MAD1L1: variants seen among roughly 807,000 people sequenced by gnomAD.
MAD1L1 encodes the protein mitotic spindle assembly checkpoint protein MAD1.
A neutral mutation model predicts 96.9 loss-of-function variants in MAD1L1; 95 were observed. The ratio of observed to expected loss-of-function variants is 0.98; its 90% confidence interval spans 0.83 to 1.16. The LOEUF (loss-of-function observed/expected upper bound fraction) is 1.16. Among genes scored for constraint, MAD1L1 ranks in the 50% most tolerant of loss-of-function variants. The pLI, the probability that MAD1L1 is intolerant of heterozygous loss-of-function variation, is 0.00. For missense variants in MAD1L1, 1,007 were observed against 954.4 expected (o/e 1.06, Z -0.73); for synonymous variants, 473 against 396.6 (o/e 1.19, Z -2.29).
chr7:1,969,194 G>C (rs1469673671), intron 15 of MAD1L1, among the ~76,000 whole-genome samples: 1 of 152,090 alleles, frequency 6.6e-6, no homozygotes, highest in Non-Finnish European at 1.5e-5. Context: ...GACCAGCCTG[G>C]CCAACGTGAT....
chr7:2,136,287 G>A (rs1788747677), intron 11 of MAD1L1, among the ~76,000 whole-genome samples: 1 of 152,184 alleles, frequency 6.6e-6, no homozygotes, highest in Admixed American at 6.5e-5. Context: ...TGGTGAGAGG[G>A]CACAGGCTTA....
rs1438775125 is a variant in MAD1L1, at chr7:2,114,248, T to C, written c.1073+34904A>G. Among the ~76,000 whole-genome samples, 3 of 152,128 alleles carry C rather than the reference T, an allele frequency of 2.0e-5. No homozygotes were observed. The highest frequency in any genetic ancestry group is 7.2e-5 in the African/African-American group (3 of 41,416). On this transcript the variant is annotated intron_variant, in intron 11 of 18. Transcript: ENST00000265854. This position sits in a 1 kb window ranked among gnomAD's most constrained non-coding sequence, Gnocchi z 4.2. ...CACATGAGAAAGACAAAAGGGCAAA[T>C]GGCCGGATGGTAATGACTCATCCCA...
chr7:2,201,694 G>A (rs1006772283), intron 10 of MAD1L1, among the ~76,000 whole-genome samples: 10 of 152,174 alleles, frequency 6.6e-5, no homozygotes, highest in Non-Finnish European at 1.0e-4. Context: ...ACCCGGACAC[G>A]CCGCAGAGCA....
At position 2,219,451 on chromosome 7, in the gene MAD1L1, G is replaced by C. The variant is rs1031968375; in HGVS notation, c.477C>G (p.Ile159Met). The change falls in exon 6 of 19, where the codon ATC becomes ATG. Residue 159 changes from isoleucine to methionine, a missense_variant. Physicochemically the swap from Ile to Met is conservative, Grantham distance 10. Transcript: ENST00000265854. ...CCGAGATCCTCCCCTTCAGTGCGTT[G>C]ATGGTCTAAAAGTAGAGGGGACCAG... ...EDSLAQAGET[I>M]NALKGRISEL... The C allele has an allele frequency of 1.2e-6, 2 of 1,613,598 alleles. No homozygotes were observed. The highest frequency in any genetic ancestry group is 3.3e-5 in the Admixed American group (2 of 59,958).
chr7:2,117,556 A>G (rs992030931), intron 11 of MAD1L1, among the ~76,000 whole-genome samples: 11 of 152,194 alleles, frequency 7.2e-5, no homozygotes, highest in African/African-American at 2.7e-4. Context: ...CTCACGTGAT[A>G]GTGAGCTCTC....
intron 13 of MAD1L1, among the ~76,000 whole-genome samples, chr7:2,007,918 C>T (rs1050896949): frequency 6.6e-6 from 1 of 152,200 alleles, no homozygotes; most frequent in Admixed American, 6.5e-5. Flanking sequence ...GCTGATACAA[C>T]GTTGATGGGT....
chr7:1,842,449 C>A (rs1454506234), intron 18 of MAD1L1, among the ~76,000 whole-genome samples: 1 of 152,250 alleles, frequency 6.6e-6, no homozygotes, highest in Non-Finnish European at 1.5e-5. Context: ...AAGGGCAACT[C>A]TTGGCAGCTG....
chr7:1,875,352 C>T lies in MAD1L1; in HGVS notation c.1998+22848G>A, dbSNP rs568959451. ...GCCGAGAGACCAAGAAGAAAACATC[C>T]CCCAACTGGCTGACAGTCGCCCTCC... is the stretch of plus-strand genomic sequence containing the variant. On this transcript the variant is annotated intron_variant, in intron 18 of 18. Coordinates refer to ENST00000265854, the MANE Select transcript of MAD1L1 (RefSeq NM_001013836.2). 4.0e-3 allele frequency among the ~76,000 whole-genome samples: 612 copies of T among 152,260 alleles called. 2 individuals carry two copies. The highest frequency in any genetic ancestry group is 9.1e-3 in the Admixed American group (139 of 15,294).
At chr7:2,123,820 C>T (rs1421593315) in intron 11 of MAD1L1, among the ~76,000 whole-genome samples, 1 of 152,236 alleles carries the variant, frequency 6.6e-6, no homozygotes, top group Non-Finnish European at 1.5e-5. Flanking sequence ...AGAATCAGCG[C>T]TGTTTACCAC....
At chr7:1,901,135 G>C (rs1044993019) in intron 17 of MAD1L1, among the ~76,000 whole-genome samples, 1 of 152,212 alleles carries the variant, frequency 6.6e-6, no homozygotes, top group Admixed American at 6.5e-5. Context: ...CCATCCTCCA[G>C]ACAAGGCTGC....
intron 10 of MAD1L1, among the ~76,000 whole-genome samples, chr7:2,170,944 A>G (rs1360500743): frequency 6.6e-6 from 1 of 152,166 alleles, no homozygotes; most frequent in Non-Finnish European, 1.5e-5. Context: ...GCAGAAACAC[A>G]TGGGGGGTTG....
intron 9 of MAD1L1, among the ~76,000 whole-genome samples, chr7:2,214,009 C>T (rs973269615): frequency 6.6e-6 from 1 of 152,260 alleles, no homozygotes; most frequent in Non-Finnish European, 1.5e-5. Flanking sequence ...ATTCTCACAG[C>T]CCCTCCTATG....
rs765416715 is a variant in MAD1L1 at position 1,821,092 on chromosome 7, AAGG to A, written c.1999-4867_1999-4865del. ...CGAGACTCCATCTCAAAAAAAAAAA[AAGG>A]GGGGGGGGAGAGTGAAATGACCAAT... On this transcript the variant is annotated intron_variant, in intron 18 of 18. Transcript: ENST00000265854. Among the ~76,000 whole-genome samples, 120 of 132,270 alleles carry A rather than the reference AAGG, an allele frequency of 9.1e-4. 2 individuals carry two copies. Among genetic ancestry groups the A allele is most frequent in the African/African-American group, 2.9e-3 (103 of 35,078 alleles). The allele number at this position is 132,270 out of a possible 152,430, so 86.8% of individuals were successfully genotyped here.
chr7:1,920,109 G>A (rs1002776608), intron 17 of MAD1L1, among the ~76,000 whole-genome samples: 2 of 152,060 alleles, frequency 1.3e-5, no homozygotes, highest in African/African-American at 4.8e-5. Context: ...GGGGCTGTGT[G>A]GGCCCAGCAT....
At chr7:2,031,015 G>A (rs939539972) in intron 12 of MAD1L1, among the ~76,000 whole-genome samples, 1 of 152,188 alleles carries the variant, frequency 6.6e-6, no homozygotes, top group African/African-American at 2.4e-5. Context: ...TATTTCTGCT[G>A]GGCGACTGGA....
chr7:1,932,564 G>A (rs1436084615), intron 17 of MAD1L1, among the ~76,000 whole-genome samples: 2 of 152,266 alleles, frequency 1.3e-5, no homozygotes, highest in African/African-American at 4.8e-5. Flanking sequence ...CTGCTGCTAG[G>A]AAACGCTAGA....
chr7:2,008,771 AG>A (rs5881916), intron 13 of MAD1L1, among the ~76,000 whole-genome samples: 1 of 123,692 alleles, frequency 8.1e-6, no homozygotes, highest in Non-Finnish European at 1.8e-5. Flanking sequence ...CAGGAAGCTC[AG>A]GGGGGGAAGG....
intron 18 of MAD1L1, 99 bp from the exon 19 acceptor site, chr7:1,816,327 C>T: frequency 7.9e-7 from 1 of 1,259,486 alleles, no homozygotes; most frequent in Non-Finnish European, 1.1e-6. Flanking sequence ...ATGGGGGCTT[C>T]CCTCAGTCTG....
At chr7:1,946,181 T>C (rs1200980566) in intron 16 of MAD1L1, among the ~76,000 whole-genome samples, 1 of 152,204 alleles carries the variant, frequency 6.6e-6, no homozygotes, top group South Asian at 2.1e-4. Context: ...CCTCTGTGCA[T>C]TCTGGCAGGA....
Sources: allele counts gnomAD v4.1 joint callset (sites outside exome capture counted in the v4.1 genomes callset), GRCh38; gene constraint gnomAD v4.1.1; non-coding constraint Gnocchi (gnomAD v3.1); transcripts MANE v1.5; gene names NCBI Gene and HGNC (gene_info 2026-07-23, HGNC 2026-07-21).